RAC1: variants seen among roughly 807,000 people sequenced by gnomAD.
RAC1 encodes the protein Rac family small GTPase 1, also known as ras-related C3 botulinum toxin substrate 1.
In RAC1, 2 loss-of-function variants were observed where a neutral mutation model predicts 25.2. The observed-to-expected ratio is 0.08, with a 90% CI of 0.03 to 0.25. RAC1 has a LOEUF of 0.25. Among genes scored for constraint, RAC1 ranks in the 10% least tolerant of loss-of-function variants. The pLI is 1.00. For synonymous variants in RAC1, 88 were observed against 94.0 expected (o/e 0.94, Z 0.37); for missense variants, 50 against 235.7 (o/e 0.21, Z 5.16).
chr7:6,376,813 T>C (rs1316817963), intron 1 of RAC1, among the ~76,000 whole-genome samples: 1 of 146,746 alleles, frequency 6.8e-6, no homozygotes, highest in Non-Finnish European at 1.5e-5. Flanking sequence ...GTCATATTGC[T>C]GATAATTATT....
chr7:6,396,847 G>T (rs545323372), intron 3 of RAC1, among the ~76,000 whole-genome samples: 67 of 152,198 alleles, frequency 4.4e-4, no homozygotes, highest in African/African-American at 1.6e-3. Flanking sequence ...TGGCTAACAC[G>T]TTGAAACCTC....
At position 6,402,737 on chromosome 7, in the gene RAC1, C is replaced by G. The variant is rs1783452824; in HGVS notation, c.*291C>G. On this transcript the variant is annotated 3_prime_UTR_variant, in exon 6 of 6. Coordinates refer to ENST00000348035, the MANE Select transcript of RAC1 (RefSeq NM_006908.5). ...ATTTTTCAAAAGCGCCCCCCCCATTCTTGTTCAGATTAAGAGTTGCCAAAA... is the reference window on the plus strand; with the variant it reads ...ATTTTTCAAAAGCGCCCCCCCCATTGTTGTTCAGATTAAGAGTTGCCAAAA... The G allele has an allele frequency of 1.1e-5, 3 of 280,854 alleles. No individual in the cohort carries two copies. In the South Asian group the frequency reaches 2.4e-4, roughly 22 times the overall value. 17.4% of individuals were successfully genotyped at this position (280,854 alleles called of 1,614,324 possible).
Position 6,387,801 on chromosome 7 carries a change from A to G in RAC1, c.107+518A>G, listed in dbSNP as rs193055117. Among the ~76,000 whole-genome samples the G allele has an allele frequency of 1.1e-4, 17 of 152,276 alleles. No individual in the cohort carries two copies. The East Asian group carries it at 2.9e-3, about 26-fold the overall frequency. The stretch of plus-strand genomic sequence containing the variant: ...TGCTAGTTGATTTTTAGACATCCAG[A>G]AAGCAAACTTTAACTGTCTGTGAGG... On this transcript the variant is annotated intron_variant, in intron 2 of 5. Coordinates refer to ENST00000348035, the MANE Select transcript of RAC1 (RefSeq NM_006908.5).
intron 2 of RAC1, 51 bp downstream of exon 2, chr7:6,387,334 T>A: frequency 7.8e-7 from 1 of 1,285,702 alleles, no homozygotes; most frequent in Non-Finnish European, 1.1e-6. Context: ...GGTTTCACAT[T>A]TCTTTGACCA....
chr7:6,400,936 A>G (rs775912524), intron 4 of RAC1, among the ~76,000 whole-genome samples: 1 of 150,626 alleles, frequency 6.6e-6, no homozygotes, highest in Non-Finnish European at 1.5e-5. Context: ...CGGCCTCCCA[A>G]AGTGCTGGGA....
chr7:6,398,676 C>A, intron 3 of RAC1: 1 of 1,613,806 alleles, frequency 6.2e-7, no homozygotes, highest in Non-Finnish European at 8.5e-7. Flanking sequence ...GAGAAACGTA[C>A]GGTAAGGATA....
chr7:6,391,867 T>G lies in RAC1; in HGVS notation c.108-57T>G, dbSNP rs1783101733. 7 of 1,612,062 alleles carry G rather than the reference T, an allele frequency of 4.3e-6. No individual in the cohort carries two copies. In the Admixed American group the frequency reaches 1.0e-4, roughly 23 times the overall value. On this transcript the variant is annotated intron_variant, in intron 2 of 5. Transcript: ENST00000348035. ...CTTGGCACACCTTCTCTAGGATGGC[T>G]GGGACAGTGACTTAGCTTCTACACC...
chr7:6,381,120 G>A (rs145162495), intron 1 of RAC1, among the ~76,000 whole-genome samples: 3 of 152,196 alleles, frequency 2.0e-5, no homozygotes, highest in Non-Finnish European at 2.9e-5. Flanking sequence ...CACCTGCCTC[G>A]GCCTCCCAAA....
chr7:6,376,455 A>T (rs1375722613), intron 1 of RAC1, among the ~76,000 whole-genome samples: 1 of 141,468 alleles, frequency 7.1e-6, no homozygotes, highest in Admixed American at 7.2e-5. Flanking sequence ...GAGTGTTGGG[A>T]TTACAGGCGT....
intron 3 of RAC1, among the ~76,000 whole-genome samples, chr7:6,394,851 T>G (rs993176255): frequency 2.0e-5 from 3 of 151,902 alleles, no homozygotes; most frequent in Admixed American, 1.3e-4. Flanking sequence ...TGGCTAATTT[T>G]GTTTTGTATT....
chr7:6,400,920 G>A (rs916280855), intron 4 of RAC1, among the ~76,000 whole-genome samples: 2 of 151,290 alleles, frequency 1.3e-5, no homozygotes, highest in African/African-American at 2.4e-5. Context: ...GGTGATCCGC[G>A]CGTCTCGGCC....
Position 6,403,691 on chromosome 7 carries a change from C to CCT in RAC1, c.*1248_*1249dup, listed in dbSNP as rs2115222317. 1 of 207,202 alleles carries CCT rather than the reference C, an allele frequency of 4.8e-6. No homozygotes were observed. Among genetic ancestry groups the CCT allele is most frequent in the Non-Finnish European group, 9.9e-6 (1 of 101,470 alleles). The allele number at this position is 207,202 out of a possible 1,614,324, so 12.8% of individuals were successfully genotyped here. On this transcript the variant is annotated 3_prime_UTR_variant, in exon 6 of 6. Transcript: ENST00000348035. Reference sequence around the variant, plus strand: ...ACACTGTCACTTGACCAATACTGACCCTCTTTACCTCGCCCACGCGGACAC... The same window carrying CCT: ...ACACTGTCACTTGACCAATACTGACCCTCTCTTTACCTCGCCCACGCGGACAC...
chr7:6,378,810 G>A (rs1484543345), intron 1 of RAC1, among the ~76,000 whole-genome samples: 1 of 151,148 alleles, frequency 6.6e-6, no homozygotes, highest in Non-Finnish European at 1.5e-5. Context: ...AGCATCACCC[G>A]GGCGCGATGG....
At chr7:6,399,740 G>A (rs1312137956) in intron 3 of RAC1, 2 of 170,168 alleles carry the variant, frequency 1.2e-5, no homozygotes, top group Non-Finnish European at 2.5e-5. Flanking sequence ...TGGAACCAGT[G>A]ACCATCTAAA....
chr7:6,379,046 G>A (rs1782687429), intron 1 of RAC1, among the ~76,000 whole-genome samples: 1 of 152,022 alleles, frequency 6.6e-6, no homozygotes, highest in Non-Finnish European at 1.5e-5. Flanking sequence ...AGCCAATATC[G>A]TGCCACTGCA....
chr7:6,394,894 G>T (rs368054229), intron 3 of RAC1, among the ~76,000 whole-genome samples: 1 of 151,908 alleles, frequency 6.6e-6, no homozygotes, highest in East Asian at 1.9e-4. Flanking sequence ...TTGCTCTGTC[G>T]CCCAGGCTGG....
intron 1 of RAC1, among the ~76,000 whole-genome samples, chr7:6,378,904 A>G (rs1247844918): frequency 6.6e-6 from 1 of 152,122 alleles, no homozygotes; most frequent in Non-Finnish European, 1.5e-5. Context: ...TCTGGCCAAT[A>G]TGGTGAAACC....
Position 6,389,135 on chromosome 7 carries a change from G to A in RAC1, c.107+1852G>A, listed in dbSNP as rs1404090839. On this transcript the variant is annotated intron_variant, in intron 2 of 5. Transcript: ENST00000348035. ...GAGAATTGCTTGAACCCGGGAAGCAGAGGTTGCAGTGAGCCAAGATTGTGC... is the reference window on the plus strand; with the variant it reads ...GAGAATTGCTTGAACCCGGGAAGCAAAGGTTGCAGTGAGCCAAGATTGTGC... Among the ~76,000 whole-genome samples, 3 of 151,742 alleles carry A rather than the reference G, an allele frequency of 2.0e-5. No individual in the cohort carries two copies. In the East Asian group the frequency reaches 5.8e-4, roughly 29 times the overall value.
chr7:6,388,386 C>A (rs1001242190), intron 2 of RAC1, among the ~76,000 whole-genome samples: 12 of 140,518 alleles, frequency 8.5e-5, no homozygotes, highest in African/African-American at 3.1e-4. Context: ...CTCTCTCTTG[C>A]CCAGGATGGA....
Sources: allele counts gnomAD v4.1 joint callset (sites outside exome capture counted in the v4.1 genomes callset), GRCh38; gene constraint gnomAD v4.1.1; transcripts MANE v1.5; gene names NCBI Gene and HGNC (gene_info 2026-07-23, HGNC 2026-07-21).